The following NCKAP5 variants were observed in gnomAD, a reference collection of about 807,000 sequenced individuals.
NCKAP5 encodes the protein NCK associated protein 5.
A neutral mutation model predicts 167.0 loss-of-function variants in NCKAP5; 92 were observed. The observed-to-expected ratio is 0.55, with a 90% confidence interval of 0.47 to 0.66. NCKAP5 has a LOEUF of 0.66. Ranked by LOEUF, NCKAP5 falls within the 30% of genes least tolerant of loss-of-function variation. The pLI is 0.00. For synonymous variants in NCKAP5, 891 were observed against 877.4 expected, an observed-to-expected ratio of 1.02 and a Z score of -0.27; for missense variants, 2,378 against 2,315.0, an observed-to-expected ratio of 1.03 and a Z score of -0.56.
At chr2:133,063,287 A>G (rs1422065006) in intron 6 of NCKAP5, among the ~76,000 whole-genome samples, 1 of 152,234 alleles carries the variant, frequency 6.6e-6, no homozygotes, top group Non-Finnish European at 1.5e-5. Context: ...ATTTATAATC[A>G]ATAATTCTAT....
chr2:132,923,052 G>A (rs1406973424), intron 8 of NCKAP5, among the ~76,000 whole-genome samples: 2 of 152,166 alleles, frequency 1.3e-5, no homozygotes, highest in Non-Finnish European at 2.9e-5. Flanking sequence ...ACTGTGTGGA[G>A]AGATGGTGCT....
At chr2:133,537,406 C>A (rs1440693989) in intron 2 of NCKAP5, among the ~76,000 whole-genome samples, 2 of 152,062 alleles carry the variant, frequency 1.3e-5, no homozygotes, top group African/African-American at 4.8e-5. Context: ...GCCATCTTAA[C>A]AATGCTCAGT....
chr2:132,715,716 G>A (rs909990777), intron 19 of NCKAP5, among the ~76,000 whole-genome samples: 7 of 152,174 alleles, frequency 4.6e-5, no homozygotes, highest in African/African-American at 4.8e-5. Context: ...CAAAGACACC[G>A]TGGAGGGATC....
intron 6 of NCKAP5, among the ~76,000 whole-genome samples, chr2:133,129,323 C>T (rs2082515586): frequency 6.6e-6 from 1 of 151,896 alleles, no homozygotes; most frequent in African/African-American, 2.4e-5. Flanking sequence ...TCAATTCCCA[C>T]CTATGAGTGA....
chr2:133,578,241 C>T, the NCKAP5 span, among the ~76,000 whole-genome samples: 2 of 152,124 alleles, frequency 1.3e-5, no homozygotes, highest in Admixed American at 6.5e-5. Flanking sequence ...ATTTGTCTTG[C>T]CACCCTCCCT....
At chr2:133,236,272 A>C (rs989935927) in intron 4 of NCKAP5, among the ~76,000 whole-genome samples, 1 of 152,094 alleles carries the variant, frequency 6.6e-6, no homozygotes, top group Non-Finnish European at 1.5e-5. Flanking sequence ...TCAGCTAAAA[A>C]ACCAGAGCCA....
chr2:132,970,196 T>G (rs561463645), intron 7 of NCKAP5, among the ~76,000 whole-genome samples: 1 of 152,268 alleles, frequency 6.6e-6, no homozygotes, highest in Non-Finnish European at 1.5e-5. Flanking sequence ...GTGTATGGGT[T>G]CTATCCAAAA....
At chr2:133,543,372 A>T (rs1235052069) in intron 2 of NCKAP5, among the ~76,000 whole-genome samples, 3 of 152,192 alleles carry the variant, frequency 2.0e-5, no homozygotes, top group African/African-American at 7.2e-5. Flanking sequence ...TTCTCTTTAT[A>T]AATTACCCAG....
Position 133,089,156 on chromosome 2 carries a change from G to T in NCKAP5, c.341+40822C>A, listed in dbSNP as rs575742164. On this transcript the variant is annotated intron_variant, in intron 6 of 19. Transcript: ENST00000409261. ...CAACAGGGTAGTGATAAATATCATA[G>T]AAAATGTATCTCTCATCTTAAAATC... 3.3e-5 allele frequency among the ~76,000 whole-genome samples: 5 copies of T among 152,212 alleles called. No individual in the cohort carries two copies. The South Asian group carries it at 1.0e-3, about 32-fold the overall frequency.
At chr2:133,395,263 A>G in intron 3 of NCKAP5, among the ~76,000 whole-genome samples, 1 of 152,200 alleles carries the variant, frequency 6.6e-6, no homozygotes, top group South Asian at 2.1e-4. Context: ...GGCTTATGTA[A>G]TTAACTCAAT....
rs576332433 is a variant in NCKAP5, at chr2:133,030,614, G to GAA, written c.342-36376_342-36375insTT. Among the ~76,000 whole-genome samples the GAA allele has an allele frequency of 4.2e-3, 638 of 152,294 alleles. 3 individuals carry two copies. The highest frequency in any genetic ancestry group is 0.014 in the South Asian group (66 of 4,822). On this transcript the variant is annotated intron_variant, in intron 6 of 19. Transcript: ENST00000409261. ...CTGGTCATTTGGATGAAGCTAGGTT[G>GAA]ACATGTGGAAATCTTAAGACATAAA...
intron 7 of NCKAP5, among the ~76,000 whole-genome samples, chr2:132,983,458 C>A (rs1034356143): frequency 2.0e-5 from 3 of 152,028 alleles, no homozygotes; most frequent in Non-Finnish European, 4.4e-5. Flanking sequence ...ATAGATGGCT[C>A]TTATTATGTT....
the NCKAP5 span, among the ~76,000 whole-genome samples, chr2:133,598,596 A>C: frequency 6.6e-6 from 1 of 152,206 alleles, no homozygotes; most frequent in Non-Finnish European, 1.5e-5. Flanking sequence ...ACAGGGGCCC[A>C]GTTGCTTTAA....
At chr2:132,918,828 A>G (rs957389589) in intron 8 of NCKAP5, among the ~76,000 whole-genome samples, 1 of 152,232 alleles carries the variant, frequency 6.6e-6, no homozygotes, top group Non-Finnish European at 1.5e-5. Context: ...TGCTTCCTGA[A>G]TTACATAGTA....
At chr2:132,928,715 T>C (rs1574662773) in intron 8 of NCKAP5, among the ~76,000 whole-genome samples, 1 of 152,130 alleles carries the variant, frequency 6.6e-6, no homozygotes, top group Admixed American at 6.6e-5. Flanking sequence ...GTAAATTAAA[T>C]GGGATTTAGT....
intron 18 of NCKAP5, among the ~76,000 whole-genome samples, 176 bp downstream of exon 18, chr2:132,728,640 C>A (rs1404222929): frequency 6.6e-6 from 1 of 152,158 alleles, no homozygotes; most frequent in Non-Finnish European, 1.5e-5. Flanking sequence ...CAAGAACCCA[C>A]AGTATTCCTT....
At chr2:132,746,506 T>C (rs1239641528) in intron 16 of NCKAP5, among the ~76,000 whole-genome samples, 1 of 151,936 alleles carries the variant, frequency 6.6e-6, no homozygotes, top group African/African-American at 2.4e-5. Context: ...CAAGAAAACA[T>C]GAACCATAAA....
intron 11 of NCKAP5, among the ~76,000 whole-genome samples, chr2:132,850,232 A>T (rs1374019189): frequency 1.3e-5 from 2 of 152,186 alleles, no homozygotes; most frequent in Non-Finnish European, 2.9e-5. Context: ...TTATTTGGAC[A>T]CCACCCAAAT....
chr2:132,905,587 G>T (rs1364634743), intron 8 of NCKAP5, among the ~76,000 whole-genome samples: 2 of 152,060 alleles, frequency 1.3e-5, no homozygotes, highest in Non-Finnish European at 2.9e-5. Context: ...TGCCTATCTT[G>T]GAACATGGTA....
Sources: gnomAD v4.1 joint callset for allele counts (sites outside exome capture counted in the v4.1 genomes callset) on GRCh38, gnomAD v4.1.1 for gene constraint, MANE v1.5 for transcripts, NCBI Gene and HGNC (gene_info 2026-07-23, HGNC 2026-07-21) for gene names.